Variants in ANKRD30B observed in about 807,000 individuals in gnomAD.
The protein encoded by ANKRD30B is ankyrin repeat domain 30B.
Under a neutral mutation model 202.2 loss-of-function variants are expected in ANKRD30B, and 144 were observed. The ratio of observed to expected loss-of-function variants is 0.71; its 90% confidence interval spans 0.62 to 0.82. ANKRD30B has a LOEUF of 0.82. ANKRD30B is among the 40% of genes least tolerant of loss of function. ANKRD30B has a pLI of 0.00. For synonymous variants in ANKRD30B, 508 were observed against 561.3 expected, an observed-to-expected ratio of 0.91 and a Z score of 1.34; for missense variants, 1,487 against 1,669.1, an observed-to-expected ratio of 0.89 and a Z score of 1.90.
chr18:14,820,287 A>G (rs138958840), intron 30 of ANKRD30B, among the ~76,000 whole-genome samples: 2 of 152,300 alleles, frequency 1.3e-5, no homozygotes, highest in African/African-American at 2.4e-5. Context: ...TTTTCTAGAT[A>G]TACAATCATG....
chr18:14,865,662 C>A, the ANKRD30B span, among the ~76,000 whole-genome samples: 2 of 150,670 alleles, frequency 1.3e-5, no homozygotes, highest in Non-Finnish European at 3.0e-5. Flanking sequence ...TATGCAATGC[C>A]TTCTCCAGCT....
At chr18:14,893,504 G>A in the ANKRD30B span, among the ~76,000 whole-genome samples, 2 of 152,046 alleles carry the variant, frequency 1.3e-5, no homozygotes, top group African/African-American at 2.4e-5. Flanking sequence ...CCAGTTACTC[G>A]GGAGGCTGAG....
At chr18:14,843,742 C>T (rs1971520165) in intron 39 of ANKRD30B, among the ~76,000 whole-genome samples, 1 of 152,114 alleles carries the variant, frequency 6.6e-6, no homozygotes, top group South Asian at 2.1e-4. Context: ...TGCAGTGAGC[C>T]GAGATGGCGC....
chr18:14,795,853 A>AT (rs60666067), intron 16 of ANKRD30B, among the ~76,000 whole-genome samples: 2,817 of 139,370 alleles, frequency 0.02, 84 homozygotes, highest in African/African-American at 0.067. Context: ...CCTAGGACTT[A>AT]TTTTTTTTTT....
At chr18:14,891,163 G>A in the ANKRD30B span, among the ~76,000 whole-genome samples, 1 of 152,130 alleles carries the variant, frequency 6.6e-6, no homozygotes, top group Admixed American at 6.5e-5. Context: ...AATTATCTGT[G>A]TGATTGGGCC....
chr18:14,769,295 C>G, intron 7 of ANKRD30B, 48 bp from the exon 8 acceptor site: 1 of 1,366,916 alleles, frequency 7.3e-7, no homozygotes, highest in African/African-American at 1.5e-5. Context: ...TCTGTATTTT[C>G]TATTTATATT....
chr18:14,892,297 T>G, the ANKRD30B span, among the ~76,000 whole-genome samples: 1 of 152,230 alleles, frequency 6.6e-6, no homozygotes, highest in African/African-American at 2.4e-5. Flanking sequence ...AACATAAATG[T>G]TGACTGATAG....
Position 14,768,256 on chromosome 18 carries a change from C to T in ANKRD30B, c.1226-1087C>T, listed in dbSNP as rs189312764. On this transcript the variant is annotated intron_variant, in intron 7 of 43. Coordinates refer to ENST00000690538, the MANE Select transcript of ANKRD30B (RefSeq NM_001367607.2). ...CTGAACATATGGAAGTGTTTGGAGG[C>T]TGATGTGCCCTGGGAGGGCATGGAA... Among the ~76,000 whole-genome samples, 597 of 152,316 alleles carry T rather than the reference C, an allele frequency of 3.9e-3. 1 individual carries two copies. The highest frequency in any genetic ancestry group is 0.013 in the African/African-American group (530 of 41,574).
intron 33 of ANKRD30B, among the ~76,000 whole-genome samples, chr18:14,828,805 A>G (rs1970776422): frequency 6.6e-6 from 1 of 152,222 alleles, no homozygotes; most frequent in Non-Finnish European, 1.5e-5. Flanking sequence ...TTTTATCACC[A>G]ACGTTTTTAG....
the ANKRD30B span, among the ~76,000 whole-genome samples, chr18:14,926,675 T>A: frequency 3.9e-5 from 6 of 152,100 alleles, no homozygotes; most frequent in Non-Finnish European, 8.8e-5. Context: ...AGCATAAAAA[T>A]CAACTTTGGG....
intron 30 of ANKRD30B, among the ~76,000 whole-genome samples, chr18:14,817,519 G>A (rs1468523927): frequency 1.3e-5 from 2 of 152,126 alleles, no homozygotes; most frequent in African/African-American, 4.8e-5. Flanking sequence ...TAAACGGTTC[G>A]TTGATGATGA....
chr18:14,837,168 AG>A lies in ANKRD30B; in HGVS notation c.2848-42del, dbSNP rs766882822. The A allele has an allele frequency of 3.9e-6, 5 of 1,283,244 alleles. No individual in the cohort carries two copies. In the East Asian group the frequency reaches 7.8e-5, roughly 20 times the overall value. The allele number at this position is 1,283,244 out of a possible 1,614,324, so 79.5% of individuals were successfully genotyped here. ...GTGAATAAATACAATTTTTTTCTGA[AG>A]TTTTTTTTTTGTGTTTGCTTTCTGT... is the stretch of plus-strand genomic sequence containing the variant. On this transcript the variant is annotated intron_variant, in intron 34 of 43. Coordinates refer to ENST00000690538, the MANE Select transcript of ANKRD30B (RefSeq NM_001367607.2).
intron 9 of ANKRD30B, among the ~76,000 whole-genome samples, chr18:14,772,630 G>T (rs1204897192): frequency 1.3e-5 from 2 of 150,788 alleles, no homozygotes; most frequent in Admixed American, 6.6e-5. Context: ...TGTCTTGATG[G>T]ACCCAGTTTC....
chr18:14,758,099 A>G, intron 5 of ANKRD30B, 147 bp downstream of exon 5: 2 of 855,968 alleles, frequency 2.3e-6, no homozygotes, highest in Non-Finnish European at 3.5e-6. Context: ...AGGATTCTTT[A>G]TTTTAGGACT....
chr18:14,829,016 C>G (rs1414354186), intron 33 of ANKRD30B, among the ~76,000 whole-genome samples: 3 of 152,160 alleles, frequency 2.0e-5, no homozygotes, highest in South Asian at 2.1e-4. Flanking sequence ...GCAGTCCCCT[C>G]TTAGTTGCAT....
rs139544363 is a variant in ANKRD30B at position 14,758,417 on chromosome 18, T to C, written c.755+465T>C. Among the ~76,000 whole-genome samples, 82 of 152,338 alleles carry C rather than the reference T, an allele frequency of 5.4e-4. 1 individual carries two copies. In the East Asian group the frequency reaches 0.012, roughly 22 times the overall value. ...CTTTTTGTTGTTTCCATTGATTCTG[T>C]TGCTGCGCCGTTGCCATTGAAACTG... On this transcript the variant is annotated intron_variant, in intron 5 of 43. Coordinates refer to ENST00000690538, the MANE Select transcript of ANKRD30B (RefSeq NM_001367607.2).
In ANKRD30B at chr18:14,752,982, C is replaced by G. The variant is rs746952025; in HGVS notation, c.480C>G (p.Ser160=). 6.2e-7 allele frequency: 1 copy of G among 1,602,518 alleles called. No homozygotes were observed. The highest frequency in any genetic ancestry group is 1.1e-5 in the South Asian group (1 of 89,586). The change falls in exon 3 of 44, where the codon TCC becomes TCG. Residue 160 remains serine (S), a synonymous_variant. Transcript: ENST00000690538. ...TGTTAATGGTGGCAACACTGCTGTC[C>G]TATGGTGCAGTCATCGAGGTGCAAA... ...ENLLMVATLL[S]YGAVIEVQNK...
chr18:14,876,262 T>A, the ANKRD30B span, among the ~76,000 whole-genome samples: 1 of 152,310 alleles, frequency 6.6e-6, no homozygotes, highest in South Asian at 2.1e-4. Flanking sequence ...CACAGTTCTC[T>A]GAATCTCAGT....
chr18:14,854,089 AT>A (rs1162863888), intron 43 of ANKRD30B, among the ~76,000 whole-genome samples, 102 bp from the exon 44 acceptor site: 2 of 152,112 alleles, frequency 1.3e-5, no homozygotes, highest in African/African-American at 4.8e-5. Flanking sequence ...CTTCTTTTAT[AT>A]GTTCATTATA....
Sources: gnomAD v4.1 joint callset for allele counts (sites outside exome capture counted in the v4.1 genomes callset) on GRCh38, gnomAD v4.1.1 for gene constraint, MANE v1.5 for transcripts, NCBI Gene and HGNC (gene_info 2026-07-23, HGNC 2026-07-21) for gene names.